ERMP1: variants seen among roughly 807,000 people sequenced by gnomAD.
ERMP1 encodes the protein endoplasmic reticulum metallopeptidase 1, also known as Felix-ina.
A neutral mutation model predicts 92.0 loss-of-function variants in ERMP1; 86 were observed. The observed-to-expected ratio is 0.93, with a 90% CI of 0.79 to 1.12. The LOEUF is 1.12. Among genes scored for constraint, ERMP1 ranks in the 50% most tolerant of loss-of-function variants. The pLI is 0.00. For missense variants in ERMP1, 1,342 were observed against 1,116.3 expected, an observed-to-expected ratio of 1.20 and a Z score of -2.88; for synonymous variants, 530 against 412.8, an observed-to-expected ratio of 1.28 and a Z score of -3.44.
intron 2 of ERMP1, among the ~76,000 whole-genome samples, chr9:5,826,683 T>C (rs1177609895): frequency 6.6e-6 from 1 of 152,268 alleles, no homozygotes; most frequent in East Asian, 1.9e-4. Context: ...ATTTAATTAC[T>C]ATCAAATAGA....
At chr9:5,791,933 T>C (rs971807293) in intron 13 of ERMP1, among the ~76,000 whole-genome samples, 6 of 152,258 alleles carry the variant, frequency 3.9e-5, no homozygotes, top group East Asian at 1.9e-4. Flanking sequence ...ACAACAGATA[T>C]ACACAAAGGG....
chr9:5,850,427 A>AAAAAAAAAAAG (rs142972934), intron 6 of ERMP1, among the ~76,000 whole-genome samples: 8 of 144,534 alleles, frequency 5.5e-5, no homozygotes, highest in Non-Finnish European at 9.2e-5. Context: ...AAAAAAAAAA[A>AAAAAAAAAAAG]AAGAAGAAGA....
intron 1 of ERMP1, among the ~76,000 whole-genome samples, 182 bp from the exon 2 acceptor site, chr9:5,831,210 A>G (rs575935405): frequency 6.6e-6 from 1 of 152,198 alleles, no homozygotes; most frequent in African/African-American, 2.4e-5. Context: ...CCATATTTTT[A>G]TTGTTGCCTC....
chr9:5,857,969 T>C (rs1830401399), intron 6 of ERMP1, among the ~76,000 whole-genome samples: 1 of 152,212 alleles, frequency 6.6e-6, no homozygotes, highest in Non-Finnish European at 1.5e-5. Flanking sequence ...ACCTCCTATA[T>C]TCCAGACTCT....
At chr9:5,819,409 T>G (rs1049862055) in intron 4 of ERMP1, among the ~76,000 whole-genome samples, 3 of 152,088 alleles carry the variant, frequency 2.0e-5, no homozygotes, top group Non-Finnish European at 4.4e-5. Context: ...AAAAGACTCT[T>G]CAAAAACCAC....
chr9:5,841,746 G>A (rs541432325), intron 6 of ERMP1, among the ~76,000 whole-genome samples: 1 of 152,314 alleles, frequency 6.6e-6, no homozygotes, highest in South Asian at 2.1e-4. Context: ...AGCCAAGATT[G>A]CGCCAATGTG....
In ERMP1 at chr9:5,823,892, A is replaced by C. The variant is rs1426223652; in HGVS notation, c.874+4T>G. 1 of 1,590,032 alleles carries C rather than the reference A, an allele frequency of 6.3e-7. No homozygotes were observed. Among genetic ancestry groups the C allele is most frequent in the Non-Finnish European group, 8.6e-7 (1 of 1,159,342 alleles). On this transcript the variant is annotated splice_donor_region_variant and intron_variant, in intron 4 of 14. Transcript: ENST00000339450. ...TAAAATATACAACGCACAATCTCAC[A>C]TACCTGTTTGGAATACAAGTTCTTT... is the stretch of plus-strand genomic sequence containing the variant.
chr9:5,790,164 A>G (rs927629030), intron 13 of ERMP1, among the ~76,000 whole-genome samples: 3 of 150,686 alleles, frequency 2.0e-5, no homozygotes, highest in African/African-American at 7.3e-5. Context: ...GAGTTAAAAC[A>G]ATACCTTTTT....
In ERMP1 at chr9:5,799,010, T is replaced by G. The variant is rs773056104; in HGVS notation, c.2068-2A>C. On this transcript the variant is annotated splice_acceptor_variant, in intron 11 of 14. Coordinates refer to ENST00000339450, the MANE Select transcript of ERMP1 (RefSeq NM_024896.3). LOFTEE classifies it high-confidence loss of function. ...GTCATGGAATGTTCTAGTCATATGC[T>G]GAAAAAAAAAGACTAGTGAAAAAAC... 7.5e-6 allele frequency: 12 copies of G among 1,606,282 alleles called. No homozygotes were observed. The Admixed American group carries it at 2.1e-4, about 28-fold the overall frequency.
chr9:5,832,923 C>T lies in ERMP1; in HGVS notation c.105G>A (p.Ala35=), dbSNP rs777103074. 107 of 1,561,674 alleles carry T rather than the reference C, an allele frequency of 6.9e-5. 1 individual carries two copies. The highest frequency in any genetic ancestry group is 8.7e-5 in the Non-Finnish European group (101 of 1,164,998). ...AAPPPEREAR[A]QEPLVDGCSG... The stretch of plus-strand genomic sequence containing the variant: ...TGCACCCATCCACCAGAGGCTCCTG[C>T]GCTCGGGCCTCCCTCTCCGGCGGTG... The change falls in exon 1 of 15, where the codon GCG becomes GCA. Residue 35 remains alanine, a synonymous_variant. Transcript: ENST00000339450.
At chr9:5,861,717 GTTTTTTT>G (rs34804675) in intron 5 of ERMP1, among the ~76,000 whole-genome samples, 1 of 66,240 alleles carries the variant, frequency 1.5e-5, no homozygotes, top group African/African-American at 5.8e-5. Flanking sequence ...GAGAGGAAGG[GTTTTTTT>G]TTTTTTTTTT....
Position 5,805,689 on chromosome 9 carries a change from A to C in ERMP1, c.1645T>G (p.Ser549Ala), listed in dbSNP as rs763688629. ...LVTLTYQGLC[S>A]AFISAVWVAF... ...ACCCAGACAGCACTAATAAACGCCG[A>C]GCAAAGTCCTTGGTAAGTGAGGGTA... The change falls in exon 9 of 15, where the codon TCG (serine) becomes GCG (alanine). Residue 549 changes from serine (S) to alanine (A), a missense_variant. By Grantham distance (99) the Ser-to-Ala change is moderately conservative (BLOSUM62 1). Transcript: ENST00000339450. The C allele has an allele frequency of 6.2e-7, 1 of 1,613,780 alleles. No homozygotes were observed. Among genetic ancestry groups the C allele is most frequent in the Non-Finnish European group, 8.5e-7 (1 of 1,179,902 alleles).
rs369827363 is a variant in ERMP1, at chr9:5,814,784, G to A, written c.875-1749C>T. ...CCCAAAAAAGCAGAGGGACCCTATA[G>A]AAACAGACATACAAGTAATCCAGAT... On this transcript the variant is annotated intron_variant, in intron 4 of 14. Transcript: ENST00000339450. 3.1e-4 allele frequency among the ~76,000 whole-genome samples: 47 copies of A among 152,198 alleles called. 3 individuals are homozygous for A. The South Asian group carries it at 9.7e-3, about 32-fold the overall frequency.
At chr9:5,795,517 C>T (rs757245114) in intron 13 of ERMP1, among the ~76,000 whole-genome samples, 18 of 152,326 alleles carry the variant, frequency 1.2e-4, no homozygotes, top group Middle Eastern at 3.4e-3. Context: ...CGGTGGCTCA[C>T]GCCTGTAATC....
chr9:5,856,712 C>T (rs1264399561), intron 6 of ERMP1, among the ~76,000 whole-genome samples: 6 of 152,220 alleles, frequency 3.9e-5, no homozygotes, highest in African/African-American at 1.2e-4. Flanking sequence ...AGGGTCAGGT[C>T]TGGCGAGTCT....
intron 4 of ERMP1, among the ~76,000 whole-genome samples, chr9:5,813,855 TTTATATAA>T (rs1028437298): frequency 7.4e-5 from 11 of 148,742 alleles, no homozygotes; most frequent in African/African-American, 2.4e-4. Context: ...TGTTTTATAA[TTTATATAA>T]TTATATAATT....
intron 11 of ERMP1, 56 bp from the exon 12 acceptor site, chr9:5,799,064 C>T: frequency 8.1e-7 from 1 of 1,238,096 alleles, no homozygotes; most frequent in Non-Finnish European, 1.2e-6. Flanking sequence ...CACATTCCCA[C>T]CCCAGATTAC....
intron 4 of ERMP1, among the ~76,000 whole-genome samples, chr9:5,818,089 G>A (rs951993273): frequency 6.6e-6 from 1 of 151,704 alleles, no homozygotes; most frequent in South Asian, 2.1e-4. Flanking sequence ...TTGAGCCCAG[G>A]AGCTGGAGAA....
chr9:5,821,443 T>A (rs1829532480), intron 4 of ERMP1, among the ~76,000 whole-genome samples: 5 of 152,190 alleles, frequency 3.3e-5, no homozygotes, highest in Non-Finnish European at 5.9e-5. Flanking sequence ...AGCTGCAGAA[T>A]TTTTGTCTAA....
Sources: gnomAD v4.1 joint callset for allele counts (sites outside exome capture counted in the v4.1 genomes callset) on GRCh38, gnomAD v4.1.1 for gene constraint, MANE v1.5 for transcripts, NCBI Gene and HGNC (gene_info 2026-07-23, HGNC 2026-07-21) for gene names.